Variants in LRRIQ3 observed in about 807,000 individuals in gnomAD.
LRRIQ3 encodes leucine-rich repeat and IQ domain-containing protein 3.
Under a neutral mutation model 59.3 loss-of-function variants are expected in LRRIQ3, and 75 were observed. That is an observed-to-expected ratio of 1.26 (90% CI 1.05 to 1.53). The LOEUF (loss-of-function observed/expected upper bound fraction) is 1.53, where lower values mean the gene tolerates loss of function less well. Among genes scored for constraint, LRRIQ3 ranks in the 40% most tolerant of loss-of-function variants. The pLI is 0.00. For missense variants in LRRIQ3, 831 were observed against 710.0 expected (o/e 1.17, Z -1.94); for synonymous variants, 250 against 231.3 (o/e 1.08, Z -0.73).
chr1:74,098,615 C>T (rs1202660048), intron 5 of LRRIQ3, among the ~76,000 whole-genome samples: 1 of 152,094 alleles, frequency 6.6e-6, no homozygotes, highest in Non-Finnish European at 1.5e-5. Context: ...TTCTCAGTAC[C>T]ACATCTCACT....
chr1:74,129,128 C>A lies in LRRIQ3; in HGVS notation c.708-19575G>T, dbSNP rs565684581. On this transcript the variant is annotated intron_variant, in intron 4 of 7. Coordinates refer to ENST00000354431, the MANE Select transcript of LRRIQ3 (RefSeq NM_001105659.2). ...TGCCTTGCTATTTTCTATGTTCACT[C>A]GAGCCTGCAGAGCTTTAAAATCAGC... Among the ~76,000 whole-genome samples, 8 of 152,144 alleles carry A rather than the reference C, an allele frequency of 5.3e-5. No homozygotes were observed. The South Asian group carries it at 1.5e-3, about 28-fold the overall frequency.
intron 4 of LRRIQ3, among the ~76,000 whole-genome samples, chr1:74,151,490 G>C (rs1647955210): frequency 6.6e-6 from 1 of 151,500 alleles, no homozygotes; most frequent in Non-Finnish European, 1.5e-5. Flanking sequence ...ATAGACAATT[G>C]TAAGCCCACT....
chr1:74,157,521 G>A (rs1365224052), intron 3 of LRRIQ3, among the ~76,000 whole-genome samples: 1 of 151,864 alleles, frequency 6.6e-6, no homozygotes, highest in African/African-American at 2.4e-5. Flanking sequence ...TCTAGAAACA[G>A]AATTCCATGT....
At chr1:74,061,058 T>G (rs1654708489) in intron 6 of LRRIQ3, among the ~76,000 whole-genome samples, 1 of 152,146 alleles carries the variant, frequency 6.6e-6, no homozygotes, top group African/African-American at 2.4e-5. Flanking sequence ...GGGGCAGGAC[T>G]TGATCTGATA....
intron 5 of LRRIQ3, among the ~76,000 whole-genome samples, chr1:74,095,603 G>A (rs2100526799): frequency 6.6e-6 from 1 of 152,174 alleles, no homozygotes; most frequent in East Asian, 1.9e-4. Flanking sequence ...ATTAAGCACA[G>A]GAATTCTAGC....
chr1:74,184,668 A>G (rs999380282), intron 1 of LRRIQ3, among the ~76,000 whole-genome samples: 1 of 152,150 alleles, frequency 6.6e-6, no homozygotes, highest in Non-Finnish European at 1.5e-5. Context: ...AGGCAGATTC[A>G]TGGGCCCCAT....
At chr1:74,106,520 GA>G (rs1646615594) in intron 5 of LRRIQ3, among the ~76,000 whole-genome samples, 1 of 151,942 alleles carries the variant, frequency 6.6e-6, no homozygotes, top group Admixed American at 6.6e-5. Flanking sequence ...ATAGGAAGTA[GA>G]TGAAAGAAGA....
chr1:74,109,546 A>C lies in LRRIQ3; in HGVS notation c.715T>G (p.Phe239Val). The change falls in exon 5 of 8, where the codon TTT (phenylalanine) becomes GTT (valine). Residue 239 changes from phenylalanine (F) to valine (V), a missense_variant. Coordinates refer to ENST00000354431, the MANE Select transcript of LRRIQ3 (RefSeq NM_001105659.2). ...TCCTGCTGTTTTTTTTTGTGGAAAA[A>C]CACAGGGCTGAATATAAGGGGAGGG... is the stretch of plus-strand genomic sequence containing the variant. ...FLVRKNLSPV[F>V]FHKKKQQEKI... 6.4e-7 allele frequency: 1 copy of C among 1,556,568 alleles called. No homozygotes were observed. Among genetic ancestry groups the C allele is most frequent in the South Asian group, 1.3e-5 (1 of 79,340 alleles).
chr1:74,028,858 A>C (rs1653601615), intron 7 of LRRIQ3, among the ~76,000 whole-genome samples: 1 of 152,018 alleles, frequency 6.6e-6, no homozygotes, highest in Non-Finnish European at 1.5e-5. Flanking sequence ...TAGTACTATA[A>C]GCCTAGAAAT....
intron 5 of LRRIQ3, chr1:74,078,641 A>C (rs1364042978): frequency 1.3e-5 from 2 of 151,922 alleles, no homozygotes; most frequent in African/African-American, 4.8e-5. Flanking sequence ...GAAAGAGAGA[A>C]GCAATAGTTT....
In LRRIQ3 at chr1:74,063,142, C is replaced by CAA. The variant is rs1231874035; in HGVS notation, c.997+11517_997+11518dup. On this transcript the variant is annotated intron_variant, in intron 6 of 7. Coordinates refer to ENST00000354431, the MANE Select transcript of LRRIQ3 (RefSeq NM_001105659.2). ...AACCAAACAACAACAACAACAACAA[C>CAA]AACAACAACAAAACGAGGAAGGGTG... Among the ~76,000 whole-genome samples, 5 of 146,832 alleles carry CAA rather than the reference C, an allele frequency of 3.4e-5. No homozygotes were observed. In the East Asian group the frequency reaches 8.4e-4, roughly 25 times the overall value.
intron 1 of LRRIQ3, among the ~76,000 whole-genome samples, chr1:74,185,776 T>A (rs1434335712): frequency 6.6e-6 from 1 of 151,830 alleles, no homozygotes; most frequent in Non-Finnish European, 1.5e-5. Context: ...ACCCCGTCTC[T>A]ACTAAAAATA....
chr1:74,049,377 T>G (rs1219178891), intron 6 of LRRIQ3, among the ~76,000 whole-genome samples: 1 of 152,148 alleles, frequency 6.6e-6, no homozygotes, highest in Non-Finnish European at 1.5e-5. Context: ...GACCGTAAAA[T>G]TCTAAGTAGG....
At chr1:74,111,690 A>G (rs1199107376) in intron 4 of LRRIQ3, among the ~76,000 whole-genome samples, 1 of 152,094 alleles carries the variant, frequency 6.6e-6, no homozygotes. Flanking sequence ...AAGAAAATCT[A>G]TTACATCTCA....
intron 5 of LRRIQ3, among the ~76,000 whole-genome samples, chr1:74,080,178 C>CAAAA (rs1454461800): frequency 6.8e-6 from 1 of 148,116 alleles, no homozygotes; most frequent in Non-Finnish European, 1.5e-5. Context: ...CAAAAAAAAC[C>CAAAA]AAAACAGCAA....
intron 5 of LRRIQ3, among the ~76,000 whole-genome samples, chr1:74,086,987 T>G (rs1460901904): frequency 6.6e-6 from 1 of 152,154 alleles, no homozygotes; most frequent in African/African-American, 2.4e-5. Flanking sequence ...TCTTTACTCT[T>G]TCCTTCATAT....
At chr1:74,142,735 T>C (rs1647315419) in intron 4 of LRRIQ3, among the ~76,000 whole-genome samples, 1 of 152,028 alleles carries the variant, frequency 6.6e-6, no homozygotes, top group Non-Finnish European at 1.5e-5. Flanking sequence ...GCGATCATGC[T>C]GTTACATCTT....
At chr1:74,124,821 A>G (rs1361554230) in intron 4 of LRRIQ3, among the ~76,000 whole-genome samples, 1 of 151,890 alleles carries the variant, frequency 6.6e-6, no homozygotes, top group Non-Finnish European at 1.5e-5. Context: ...CTTCTTGGTC[A>G]AGCTGACTTT....
chr1:74,085,933 T>C (rs1038902302), intron 5 of LRRIQ3, among the ~76,000 whole-genome samples: 29 of 152,076 alleles, frequency 1.9e-4, no homozygotes, highest in African/African-American at 7.0e-4. Flanking sequence ...TATGCAGCCA[T>C]GGTTTGCTTC....
Sources: gnomAD v4.1 joint callset for allele counts (sites outside exome capture counted in the v4.1 genomes callset) on GRCh38, gnomAD v4.1.1 for gene constraint, MANE v1.5 for transcripts, NCBI Gene and HGNC (gene_info 2026-07-23, HGNC 2026-07-21) for gene names.